Variants in ITGBL1 observed in about 807,000 individuals in gnomAD.
ITGBL1 encodes the protein integrin subunit beta like 1, also known as integrin beta-like protein 1.
ITGBL1 carries 51 observed loss-of-function variants against 68.5 expected under a neutral mutation model. That is an observed-to-expected ratio of 0.74 (90% CI 0.59 to 0.94). The LOEUF (loss-of-function observed/expected upper bound fraction) is 0.94, where lower values mean the gene tolerates loss of function less well. ITGBL1 is among the 40% of genes least tolerant of loss of function. The pLI, the probability that ITGBL1 is intolerant of heterozygous loss-of-function variation, is 0.00. For synonymous variants in ITGBL1, 209 were observed against 227.3 expected (o/e 0.92, Z 0.72); for missense variants, 649 against 647.4 (o/e 1.00, Z -0.03).
chr13:101,463,999 C>G (rs12428334), intron 2 of ITGBL1, among the ~76,000 whole-genome samples: 53,456 of 150,832 alleles, frequency 0.35, 10,812 homozygotes, highest in Non-Finnish European at 0.46. Flanking sequence ...ACCTCCACCC[C>G]CCGGATTCAA....
chr13:101,552,667 A>C (rs1473347716), intron 2 of ITGBL1, among the ~76,000 whole-genome samples: 2 of 152,256 alleles, frequency 1.3e-5, no homozygotes, highest in Non-Finnish European at 2.9e-5. Flanking sequence ...TAGAGTTAAT[A>C]GAAAAGTCAT....
chr13:101,554,076 C>T (rs908312369), intron 2 of ITGBL1, among the ~76,000 whole-genome samples: 17 of 152,084 alleles, frequency 1.1e-4, no homozygotes, highest in Admixed American at 3.3e-4. Context: ...TGTGCCCGGC[C>T]GAGGTTTCCC....
intron 2 of ITGBL1, among the ~76,000 whole-genome samples, chr13:101,463,756 C>T (rs1157033681): frequency 6.6e-6 from 1 of 151,306 alleles, no homozygotes; most frequent in Non-Finnish European, 1.5e-5. Context: ...CTGCAGAAAG[C>T]AACACAATAA....
intron 2 of ITGBL1, among the ~76,000 whole-genome samples, chr13:101,553,047 G>A (rs2049946643): frequency 6.6e-6 from 1 of 152,098 alleles, no homozygotes; most frequent in African/African-American, 2.4e-5. Flanking sequence ...TTCAGACAAA[G>A]AAAGTGGTCT....
At position 101,488,961 on chromosome 13, in the gene ITGBL1, G is replaced by A. The variant is rs571156459; in HGVS notation, c.316+34861G>A. On this transcript the variant is annotated intron_variant, in intron 2 of 10. Coordinates refer to ENST00000376180, the MANE Select transcript of ITGBL1 (RefSeq NM_004791.3). ...GGCCCAGCTGCAGATGTTAATGGCT[G>A]TTTACCAGTAGGAGCCAAAACACCA... Among the ~76,000 whole-genome samples the A allele has an allele frequency of 2.0e-5, 3 of 152,296 alleles. No homozygotes were observed. The East Asian group carries it at 5.8e-4, about 29-fold the overall frequency.
chr13:101,569,266 T>G (rs541284159), intron 3 of ITGBL1, among the ~76,000 whole-genome samples: 4 of 152,214 alleles, frequency 2.6e-5, no homozygotes, highest in Admixed American at 6.5e-5. Flanking sequence ...AAATCAAATT[T>G]AGGGTTTTTT....
intron 7 of ITGBL1, among the ~76,000 whole-genome samples, chr13:101,680,013 G>A (rs1354889468): frequency 1.3e-5 from 2 of 152,124 alleles, no homozygotes; most frequent in African/African-American, 2.4e-5. Flanking sequence ...TTAAAGTTAT[G>A]AGCAACTTTT....
intron 2 of ITGBL1, among the ~76,000 whole-genome samples, chr13:101,544,668 C>T (rs996342861): frequency 6.6e-6 from 1 of 152,202 alleles, no homozygotes; most frequent in African/African-American, 2.4e-5. Flanking sequence ...TCTACAGAGA[C>T]AGGCAGGCCT....
intron 2 of ITGBL1, among the ~76,000 whole-genome samples, chr13:101,557,689 C>T (rs2050029718): frequency 6.6e-6 from 1 of 152,052 alleles, no homozygotes; most frequent in Admixed American, 6.5e-5. Context: ...GTTTGATTAT[C>T]AAGTTCACTT....
At chr13:101,603,013 C>T (rs2030483424) in intron 7 of ITGBL1, among the ~76,000 whole-genome samples, 1 of 151,860 alleles carries the variant, frequency 6.6e-6, no homozygotes, top group Non-Finnish European at 1.5e-5. Flanking sequence ...ACTTTTTGGT[C>T]GTTATGAATA....
chr13:101,674,193 C>T lies in ITGBL1; in HGVS notation c.1016-18392C>T, dbSNP rs368002850. Among the ~76,000 whole-genome samples the T allele has an allele frequency of 9.8e-5, 15 of 152,352 alleles. No homozygotes were observed. The South Asian group carries it at 2.1e-3, about 21-fold the overall frequency. ...TAATACACACACACATACACACACT[C>T]GCGTGCATGCACACGCTTCTGTGAG... On this transcript the variant is annotated intron_variant, in intron 7 of 10. Transcript: ENST00000376180.
At chr13:101,711,242 G>T (rs2034452599) in intron 9 of ITGBL1, 1 of 152,162 alleles carries the variant, frequency 6.6e-6, no homozygotes, top group Non-Finnish European at 1.5e-5. Context: ...AGATAATCAC[G>T]TCCAATCTTC....
At chr13:101,473,581 A>G (rs1026959531) in intron 2 of ITGBL1, among the ~76,000 whole-genome samples, 4 of 152,198 alleles carry the variant, frequency 2.6e-5, no homozygotes, top group African/African-American at 4.8e-5. Context: ...AATCTAGACC[A>G]TAAGAACTAA....
intron 2 of ITGBL1, among the ~76,000 whole-genome samples, chr13:101,528,089 G>T (rs1284557537): frequency 6.6e-6 from 1 of 151,306 alleles, no homozygotes; most frequent in Admixed American, 6.6e-5. Context: ...AAGCAACCTG[G>T]TGTTTTCTTC....
At chr13:101,487,565 T>A (rs1022468618) in intron 2 of ITGBL1, among the ~76,000 whole-genome samples, 9 of 152,254 alleles carry the variant, frequency 5.9e-5, no homozygotes, top group African/African-American at 2.2e-4. Flanking sequence ...GAGTTATCAC[T>A]GATGGCCTAA....
At chr13:101,468,760 G>T (rs2139637621) in intron 2 of ITGBL1, among the ~76,000 whole-genome samples, 1 of 152,264 alleles carries the variant, frequency 6.6e-6, no homozygotes, top group African/African-American at 2.4e-5. Flanking sequence ...AACCCGTTAT[G>T]CATCTCATGT....
chr13:101,488,538 A>C (rs1417799713), intron 2 of ITGBL1, among the ~76,000 whole-genome samples: 1 of 152,180 alleles, frequency 6.6e-6, no homozygotes, highest in Non-Finnish European at 1.5e-5. Context: ...TGTCAACTTT[A>C]ACTTGAGAGA....
intron 7 of ITGBL1, among the ~76,000 whole-genome samples, chr13:101,603,364 AGAG>A (rs2030506837): frequency 6.6e-6 from 1 of 151,998 alleles, no homozygotes; most frequent in Admixed American, 6.6e-5. Context: ...TGTAAGTAGA[AGAG>A]TGGAGGAGTA....
At chr13:101,643,664 G>T (rs563201289) in intron 7 of ITGBL1, among the ~76,000 whole-genome samples, 1 of 152,208 alleles carries the variant, frequency 6.6e-6, no homozygotes, top group Admixed American at 6.5e-5. Context: ...AGAATGAGCT[G>T]CTTTCATTCC....
Sources: gnomAD v4.1 joint callset for allele counts (sites outside exome capture counted in the v4.1 genomes callset) on GRCh38, gnomAD v4.1.1 for gene constraint, MANE v1.5 for transcripts, NCBI Gene and HGNC (gene_info 2026-07-23, HGNC 2026-07-21) for gene names.